The following CCDC148 variants were observed in gnomAD, a reference collection of about 807,000 sequenced individuals.
CCDC148 encodes the protein coiled-coil domain-containing protein 148.
Under a neutral mutation model 85.7 loss-of-function variants are expected in CCDC148, and 89 were observed. The observed-to-expected ratio is 1.04, with a 90% CI of 0.87 to 1.24. CCDC148 has a LOEUF of 1.24. CCDC148 is among the 50% of genes most tolerant of loss of function. The probability of loss-of-function intolerance (pLI) is 0.00; values close to 1 mark genes in which losing one functional copy is unlikely to be tolerated. For missense variants in CCDC148, 692 were observed against 671.7 expected, an observed-to-expected ratio of 1.03 and a Z score of -0.33; for synonymous variants, 230 against 213.9, an observed-to-expected ratio of 1.08 and a Z score of -0.66.
chr2:158,323,590 C>G (rs1189855867), intron 7 of CCDC148, among the ~76,000 whole-genome samples: 2 of 152,168 alleles, frequency 1.3e-5, no homozygotes, highest in Admixed American at 6.5e-5. Flanking sequence ...ATTCTTGAAG[C>G]AGTGTGGTAA....
chr2:158,328,448 A>G (rs1692908080), intron 7 of CCDC148, among the ~76,000 whole-genome samples: 2 of 152,092 alleles, frequency 1.3e-5, no homozygotes, highest in Non-Finnish European at 2.9e-5. Flanking sequence ...AGTCTTTGCT[A>G]TTGTCAATAG....
intron 11 of CCDC148, among the ~76,000 whole-genome samples, chr2:158,217,338 A>G (rs200267029): frequency 2.9e-3 from 21 of 7,176 alleles, no homozygotes; most frequent in Non-Finnish European, 0.014. Flanking sequence ...AATTTTGTGT[A>G]TATATATATA....
At chr2:158,212,228 A>T (rs1686618732) in intron 11 of CCDC148, among the ~76,000 whole-genome samples, 1 of 152,240 alleles carries the variant, frequency 6.6e-6, no homozygotes, top group Non-Finnish European at 1.5e-5. Flanking sequence ...GTTGACAGAG[A>T]CTTAATGAAC....
chr2:158,310,797 G>A (rs1385954851), intron 8 of CCDC148, among the ~76,000 whole-genome samples: 2 of 149,480 alleles, frequency 1.3e-5, no homozygotes, highest in Non-Finnish European at 3.0e-5. Flanking sequence ...CATCCCAGAC[G>A]ATAGGCGGCC....
intron 1 of CCDC148, among the ~76,000 whole-genome samples, chr2:158,433,187 G>A (rs1288065513): frequency 7.0e-6 from 1 of 143,462 alleles, no homozygotes; most frequent in Non-Finnish European, 1.5e-5. Flanking sequence ...TCAGGCCTAG[G>A]AAGTCAAGGC....
chr2:158,246,365 G>A lies in CCDC148; in HGVS notation c.1251+4407C>T, dbSNP rs552558119. Among the ~76,000 whole-genome samples the A allele has an allele frequency of 7.9e-5, 12 of 152,302 alleles. No homozygotes were observed. The South Asian group carries it at 1.2e-3, about 16-fold the overall frequency. On this transcript the variant is annotated intron_variant, in intron 10 of 13. Coordinates refer to ENST00000283233, the MANE Select transcript of CCDC148 (RefSeq NM_138803.4). Reference sequence around the variant, plus strand: ...AAAACAAAGATAATCTAGGTTTGTGGTGAGTATATGTAAAGACAGCTAGAA... The same window carrying A: ...AAAACAAAGATAATCTAGGTTTGTGATGAGTATATGTAAAGACAGCTAGAA...
intron 1 of CCDC148, among the ~76,000 whole-genome samples, chr2:158,424,424 G>A (rs911625853): frequency 6.6e-6 from 1 of 152,116 alleles, no homozygotes; most frequent in African/African-American, 2.4e-5. Context: ...GTAGGGACAT[G>A]GATGAAGCTG....
At position 158,355,036 on chromosome 2, in the gene CCDC148, T is replaced by C. The variant is rs551048201; in HGVS notation, c.147+3413A>G. On this transcript the variant is annotated intron_variant, in intron 2 of 13. Transcript: ENST00000283233. ...TGTGACAAAATTCAACAATCCTTCA[T>C]GCTAAAAACTCTCAATAAATTAGGT... Among the ~76,000 whole-genome samples, 958 of 152,222 alleles carry C rather than the reference T, an allele frequency of 6.3e-3. 13 individuals are homozygous for C. The highest frequency in any genetic ancestry group is 0.022 in the African/African-American group (907 of 41,514).
At chr2:158,366,557 C>T (rs2105275493) in intron 1 of CCDC148, among the ~76,000 whole-genome samples, 1 of 152,286 alleles carries the variant, frequency 6.6e-6, no homozygotes, top group South Asian at 2.1e-4. Flanking sequence ...CAGGTTAGGA[C>T]TCAGCTGCAG....
intron 1 of CCDC148, among the ~76,000 whole-genome samples, chr2:158,420,686 G>T (rs1213105446): frequency 6.6e-6 from 1 of 152,106 alleles, no homozygotes; most frequent in Non-Finnish European, 1.5e-5. Flanking sequence ...CAAGTAACGA[G>T]CGAAATAACC....
At chr2:158,242,281 T>C (rs1688381150) in intron 10 of CCDC148, among the ~76,000 whole-genome samples, 2 of 152,262 alleles carry the variant, frequency 1.3e-5, no homozygotes, top group Non-Finnish European at 2.9e-5. Context: ...TCTATTTGGT[T>C]CTCATGATTT....
At chr2:158,363,980 A>G (rs991239827) in intron 1 of CCDC148, among the ~76,000 whole-genome samples, 1 of 152,230 alleles carries the variant, frequency 6.6e-6, no homozygotes. Context: ...AGGATACAAA[A>G]TCAATGTGCA....
chr2:158,177,874 C>T (rs1684672898), intron 12 of CCDC148, among the ~76,000 whole-genome samples: 1 of 152,094 alleles, frequency 6.6e-6, no homozygotes, highest in Non-Finnish European at 1.5e-5. Flanking sequence ...CACCTAACCT[C>T]GGTGTCTCCT....
At chr2:158,210,722 T>A (rs1686520216) in intron 11 of CCDC148, among the ~76,000 whole-genome samples, 1 of 141,238 alleles carries the variant, frequency 7.1e-6, no homozygotes, top group Non-Finnish European at 1.5e-5. Flanking sequence ...GGCAGGCAGA[T>A]CACGAGGTCA....
intron 7 of CCDC148, among the ~76,000 whole-genome samples, chr2:158,323,381 G>A (rs1692611196): frequency 6.6e-6 from 1 of 152,084 alleles, no homozygotes; most frequent in East Asian, 1.9e-4. Flanking sequence ...TAATATTGTG[G>A]AACTATTGCA....
At chr2:158,330,185 A>G (rs1340936441) in intron 7 of CCDC148, among the ~76,000 whole-genome samples, 1 of 152,154 alleles carries the variant, frequency 6.6e-6, no homozygotes, top group Non-Finnish European at 1.5e-5. Flanking sequence ...ACGTCCCATC[A>G]ATACCTAATT....
chr2:158,293,034 T>TA (rs1690967111), intron 9 of CCDC148, among the ~76,000 whole-genome samples: 1 of 152,260 alleles, frequency 6.6e-6, no homozygotes, highest in African/African-American at 2.4e-5. Context: ...CAAAGCTCAA[T>TA]AAAAAATGTA....
chr2:158,411,229 C>T (rs1180001011), intron 1 of CCDC148, among the ~76,000 whole-genome samples: 2 of 152,082 alleles, frequency 1.3e-5, no homozygotes, highest in African/African-American at 2.4e-5. Context: ...ATTTCCTATC[C>T]CAGATTTGGG....
chr2:158,326,369 T>A (rs1692776511), intron 7 of CCDC148, among the ~76,000 whole-genome samples: 2 of 152,204 alleles, frequency 1.3e-5, no homozygotes, highest in African/African-American at 4.8e-5. Flanking sequence ...TTACTTTGTA[T>A]TTTTTCATAG....
Sources: gnomAD v4.1 joint callset for allele counts (sites outside exome capture counted in the v4.1 genomes callset) on GRCh38, gnomAD v4.1.1 for gene constraint, MANE v1.5 for transcripts, NCBI Gene and HGNC (gene_info 2026-07-23, HGNC 2026-07-21) for gene names.